Variants in TBPL1 observed in about 807,000 individuals in gnomAD.
TBPL1 encodes the protein TATA-box binding protein like 1.
Under a neutral mutation model 22.1 loss-of-function variants are expected in TBPL1, and 4 were observed. The observed-to-expected ratio is 0.18, with a 90% CI of 0.09 to 0.41. The LOEUF (loss-of-function observed/expected upper bound fraction) is 0.41. Ranked by LOEUF, TBPL1 falls within the 10% of genes least tolerant of loss-of-function variation. The probability of loss-of-function intolerance (pLI) is 1.00; values close to 1 mark genes in which losing one functional copy is unlikely to be tolerated. For synonymous variants in TBPL1, 64 were observed against 71.0 expected, an observed-to-expected ratio of 0.90 and a Z score of 0.50; for missense variants, 115 against 222.3, an observed-to-expected ratio of 0.52 and a Z score of 3.07.
chr6:133,979,526 C>G (rs72982292), intron 1 of TBPL1, among the ~76,000 whole-genome samples: 3,066 of 152,206 alleles, frequency 0.02, 38 homozygotes, highest in African/African-American at 0.035. Context: ...TGGCAAGCTC[C>G]TGTCAAGTAA....
intron 1 of TBPL1, among the ~76,000 whole-genome samples, chr6:133,960,034 T>C (rs1162307667): frequency 6.6e-6 from 1 of 152,204 alleles, no homozygotes; most frequent in Non-Finnish European, 1.5e-5. Flanking sequence ...GCAAGCGTTT[T>C]TCCTCTCACC....
intron 4 of TBPL1, 41 bp downstream of exon 4, chr6:133,982,921 G>T (rs1469329288): frequency 1.3e-6 from 2 of 1,536,842 alleles, no homozygotes; most frequent in Non-Finnish European, 8.8e-7. Context: ...AATATTCAAG[G>T]ACTTATTTTT....
At chr6:133,984,228 A>G (rs935321460) in intron 4 of TBPL1, 148 bp from the exon 5 acceptor site, 3 of 555,734 alleles carry the variant, frequency 5.4e-6, no homozygotes, top group Admixed American at 7.0e-5. Context: ...AAAGCTTTCC[A>G]TGCTACACAA....
In TBPL1 at chr6:133,970,400, A is replaced by G. The variant is rs1583817898; in HGVS notation, c.-44-9682A>G. On this transcript the variant is annotated intron_variant, in intron 1 of 6. Transcript: ENST00000237264. ...TACTCTCTTTGGTCTGGACATTCTT[A>G]TCTAACCTAAGTTTATGTGTATATG... Among the ~76,000 whole-genome samples the G allele has an allele frequency of 2.0e-5, 3 of 152,290 alleles. No homozygotes were observed. The East Asian group carries it at 5.8e-4, about 29-fold the overall frequency.
At chr6:133,975,101 T>C (rs1776291047) in intron 1 of TBPL1, among the ~76,000 whole-genome samples, 1 of 152,028 alleles carries the variant, frequency 6.6e-6, no homozygotes, top group Non-Finnish European at 1.5e-5. Flanking sequence ...ACAATGGACA[T>C]GGGCAAAAAA....
intron 1 of TBPL1, among the ~76,000 whole-genome samples, chr6:133,958,784 T>G (rs530893946): frequency 1.3e-5 from 2 of 152,284 alleles, no homozygotes; most frequent in East Asian, 3.9e-4. Context: ...TAAAATATAT[T>G]ATTAAAAGCA....
At chr6:133,953,771 GAA>G (rs1775879662) in intron 1 of TBPL1, among the ~76,000 whole-genome samples, 1 of 151,350 alleles carries the variant, frequency 6.6e-6, no homozygotes, top group Non-Finnish European at 1.5e-5. Flanking sequence ...GAAAGACGGG[GAA>G]AAGAGATTCC....
rs1582590418 is a variant in TBPL1, at chr6:133,989,044, G to A, written c.*2004G>A. 1 of 152,194 alleles carries A rather than the reference G, an allele frequency of 6.6e-6. No individual in the cohort carries two copies. Among genetic ancestry groups the A allele is most frequent in the Admixed American group, 6.5e-5 (1 of 15,272 alleles). 9.4% of individuals were successfully genotyped at this position (152,194 alleles called of 1,614,324 possible). ...CGAAGTGCTTTATCTGAAGGGAGAG[G>A]GTAAAGACAGTGTGACCAGGTTTGT... On this transcript the variant is annotated 3_prime_UTR_variant, in exon 7 of 7. Coordinates refer to ENST00000237264, the MANE Select transcript of TBPL1 (RefSeq NM_004865.4).
chr6:133,976,347 G>C (rs1398279930), intron 1 of TBPL1, among the ~76,000 whole-genome samples: 3 of 152,158 alleles, frequency 2.0e-5, no homozygotes, highest in Non-Finnish European at 4.4e-5. Flanking sequence ...CAGATACGAT[G>C]TTGAGTCATG....
intron 1 of TBPL1, among the ~76,000 whole-genome samples, chr6:133,975,716 G>A (rs1455358953): frequency 6.6e-6 from 1 of 152,114 alleles, no homozygotes; most frequent in Non-Finnish European, 1.5e-5. Context: ...ATAACACTGT[G>A]TATAACAAGT....
At chr6:133,955,385 A>G (rs1775910046) in intron 1 of TBPL1, among the ~76,000 whole-genome samples, 2 of 151,682 alleles carry the variant, frequency 1.3e-5, no homozygotes, top group South Asian at 2.1e-4. Context: ...TTTCTTAATC[A>G]TGTCCCAATC....
chr6:133,988,526 A>G lies in TBPL1; in HGVS notation c.*1486A>G, dbSNP rs1200874927. On this transcript the variant is annotated 3_prime_UTR_variant, in exon 7 of 7. Transcript: ENST00000237264. ...TTGCAACATCCTAATCTCCATATAT[A>G]GTACATTTTCCTTACTGTATTATAA... The G allele has an allele frequency of 2.6e-5, 4 of 152,218 alleles. No individual in the cohort carries two copies. Among genetic ancestry groups the G allele is most frequent in the Non-Finnish European group, 4.4e-5 (3 of 68,022 alleles). 9.4% of individuals were successfully genotyped at this position (152,218 alleles called of 1,614,324 possible). A position where few individuals can be genotyped will look rare whatever the true frequency, so the allele number is the denominator to read the frequency against.
At chr6:133,986,900 T>C in intron 6 of TBPL1, 61 bp from the exon 7 acceptor site, 3 of 1,202,514 alleles carry the variant, frequency 2.5e-6, no homozygotes, top group Non-Finnish European at 3.5e-6. Context: ...GGAAAATCAG[T>C]TTTTCCTAGT....
intron 1 of TBPL1, among the ~76,000 whole-genome samples, chr6:133,958,116 G>GT (rs1775958016): frequency 6.6e-6 from 1 of 152,188 alleles, no homozygotes; most frequent in Non-Finnish European, 1.5e-5. Context: ...AGACATCTCT[G>GT]TTTCTTGGAA....
chr6:133,970,671 C>T (rs896839111), intron 1 of TBPL1, among the ~76,000 whole-genome samples: 1 of 151,450 alleles, frequency 6.6e-6, no homozygotes, highest in African/African-American at 2.4e-5. Flanking sequence ...TGCCGTGGTG[C>T]CATGATAGCT....
At chr6:133,986,897 C>A in intron 6 of TBPL1, 64 bp from the exon 7 acceptor site, 1 of 1,134,732 alleles carries the variant, frequency 8.8e-7, no homozygotes, top group South Asian at 1.6e-5. Context: ...TCTGGAAAAT[C>A]AGTTTTTCCT....
chr6:133,985,297 A>AATATATATATAT (rs3068194), intron 6 of TBPL1, among the ~76,000 whole-genome samples: 3 of 42,904 alleles, frequency 7.0e-5, no homozygotes, highest in Non-Finnish European at 1.2e-4. Flanking sequence ...AAAAAAAAAA[A>AATATATATATAT]ATATATATAT....
intron 1 of TBPL1, among the ~76,000 whole-genome samples, chr6:133,979,229 G>A (rs927471101): frequency 2.0e-5 from 3 of 152,126 alleles, no homozygotes; most frequent in African/African-American, 4.8e-5. Flanking sequence ...GTGTATAGGT[G>A]TTCAGAAAGA....
rs1387363833 is a variant in TBPL1 at position 133,989,553 on chromosome 6, A to G, written c.*2513A>G. On this transcript the variant is annotated 3_prime_UTR_variant, in exon 7 of 7. Transcript: ENST00000237264. ...CTTCTCTTTCCAAAAACAAAAAACA[A>G]TGCATGCTCTGATTTGCGTATGAAA... 6.6e-6 allele frequency: 1 copy of G among 152,168 alleles called. No individual in the cohort carries two copies. Among genetic ancestry groups the G allele is most frequent in the African/African-American group, 2.4e-5 (1 of 41,450 alleles). 9.4% of individuals were successfully genotyped at this position (152,168 alleles called of 1,614,324 possible).
Sources: gnomAD v4.1 joint callset for allele counts (sites outside exome capture counted in the v4.1 genomes callset) on GRCh38, gnomAD v4.1.1 for gene constraint, MANE v1.5 for transcripts, NCBI Gene and HGNC (gene_info 2026-07-23, HGNC 2026-07-21) for gene names.